Variants in ZMIZ1 observed in about 807,000 individuals in gnomAD.
ZMIZ1 encodes zinc finger MIZ-type containing 1.
ZMIZ1 carries 17 observed loss-of-function variants against 113.9 expected under a neutral mutation model. That is an observed-to-expected ratio of 0.15 (90% confidence interval 0.10 to 0.22). The LOEUF (loss-of-function observed/expected upper bound fraction) is 0.22, where lower values mean the gene tolerates loss of function less well. ZMIZ1 is among the 10% of genes least tolerant of loss of function. The pLI is 1.00. For synonymous variants in ZMIZ1, 607 were observed against 603.1 expected (o/e 1.01, Z -0.09); for missense variants, 1,059 against 1,477.8 (o/e 0.72, Z 4.65).
intron 7 of ZMIZ1, among the ~76,000 whole-genome samples, chr10:79,232,955 G>T (rs1237675031): frequency 1.3e-5 from 2 of 152,222 alleles, no homozygotes; most frequent in Non-Finnish European, 1.5e-5. Context: ...GCCCAGTACT[G>T]GTTCCATGAA....
intron 23 of ZMIZ1, among the ~76,000 whole-genome samples, chr10:79,310,556 A>G (rs920272764): frequency 1.1e-4 from 16 of 151,970 alleles, no homozygotes; most frequent in African/African-American, 1.7e-4. Flanking sequence ...TCCCCGGAAC[A>G]TGCCCATTCT....
At chr10:79,107,376 A>T (rs897110521) in intron 1 of ZMIZ1, among the ~76,000 whole-genome samples, 3 of 152,134 alleles carry the variant, frequency 2.0e-5, no homozygotes, top group Admixed American at 2.0e-4. Context: ...CAGTTTCTTC[A>T]TTGATAAAAG....
At chr10:79,302,278 G>A in intron 18 of ZMIZ1, 66 bp downstream of exon 18, 1 of 1,502,074 alleles carries the variant, frequency 6.7e-7, no homozygotes, top group South Asian at 1.1e-5. Flanking sequence ...GGACTGAGAA[G>A]CAGTCACCAT....
chr10:79,214,068 T>C lies in ZMIZ1; in HGVS notation c.175-2101T>C, dbSNP rs58138943. ...TCTACAAAGAGGGAGGGCACCAGAG[T>C]CCACGTATGAGCTGCAGTGGTCCCT... On this transcript the variant is annotated intron_variant, in intron 6 of 24. Coordinates refer to ENST00000334512, the MANE Select transcript of ZMIZ1 (RefSeq NM_020338.4). 6.3e-3 allele frequency among the ~76,000 whole-genome samples: 957 copies of C among 151,912 alleles called. 5 individuals carry two copies. Among genetic ancestry groups the C allele is most frequent in the African/African-American group, 0.022 (893 of 41,432 alleles).
chr10:79,144,339 C>T (rs1042809835), intron 3 of ZMIZ1, among the ~76,000 whole-genome samples: 18 of 152,318 alleles, frequency 1.2e-4, no homozygotes, highest in African/African-American at 4.1e-4. Context: ...CTCTTATAAT[C>T]CTCTACTATC....
intron 7 of ZMIZ1, among the ~76,000 whole-genome samples, chr10:79,255,178 T>C (rs1850807113): frequency 6.6e-6 from 1 of 152,142 alleles, no homozygotes; most frequent in Non-Finnish European, 1.5e-5. Flanking sequence ...GCCACTGAGC[T>C]CACGACACTG....
At chr10:79,140,079 GAGCCATCTTA>G (rs1292060152) in intron 3 of ZMIZ1, among the ~76,000 whole-genome samples, 1 of 152,204 alleles carries the variant, frequency 6.6e-6, no homozygotes, top group Non-Finnish European at 1.5e-5. Context: ...TGATTTGGTT[GAGCCATCTTA>G]GCAGCCTGGC....
At chr10:79,146,100 G>C (rs1435377576) in intron 3 of ZMIZ1, among the ~76,000 whole-genome samples, 1 of 152,148 alleles carries the variant, frequency 6.6e-6, no homozygotes, top group South Asian at 2.1e-4. Flanking sequence ...CTGGAGTCCT[G>C]GGGGTCAGGC....
intron 1 of ZMIZ1, among the ~76,000 whole-genome samples, chr10:79,083,921 G>A (rs931987217): frequency 1.3e-5 from 2 of 152,114 alleles, no homozygotes; most frequent in African/African-American, 4.8e-5. Context: ...CCTTTTAACA[G>A]TTGGAAAAAT....
At chr10:79,224,514 C>A (rs1805629260) in intron 7 of ZMIZ1, among the ~76,000 whole-genome samples, 1 of 152,080 alleles carries the variant, frequency 6.6e-6, no homozygotes, top group African/African-American at 2.4e-5. Flanking sequence ...CGGGGGTGTA[C>A]ACAAGGACAC....
At chr10:79,192,139 AG>A (rs1411435934) in intron 4 of ZMIZ1, among the ~76,000 whole-genome samples, 3 of 152,306 alleles carry the variant, frequency 2.0e-5, no homozygotes, top group Non-Finnish European at 4.4e-5. Context: ...AGAGGATGGC[AG>A]GGGGGTTTGG....
chr10:79,263,799 A>G lies in ZMIZ1; in HGVS notation c.281-13382A>G, dbSNP rs76363996. ...ACACATGGTCTCTTGCCGTCTGTGA[A>G]GTCCGGACAGCCATGATGTGTAGAC... On this transcript the variant is annotated intron_variant, in intron 7 of 24. Coordinates refer to ENST00000334512, the MANE Select transcript of ZMIZ1 (RefSeq NM_020338.4). Among the ~76,000 whole-genome samples, 357 of 152,162 alleles carry G rather than the reference A, an allele frequency of 2.3e-3. 1 individual carries two copies. The highest frequency in any genetic ancestry group is 8.2e-3 in the African/African-American group (342 of 41,552).
intron 7 of ZMIZ1, among the ~76,000 whole-genome samples, chr10:79,249,628 G>T (rs1850421727): frequency 6.6e-6 from 1 of 152,230 alleles, no homozygotes; most frequent in African/African-American, 2.4e-5. Flanking sequence ...AAAATTAAAT[G>T]AAGTTTTCAG....
rs746508340 is a variant in ZMIZ1 at position 79,297,742 on chromosome 10, T to G, written c.1491+52T>G. 5 of 1,532,310 alleles carry G rather than the reference T, an allele frequency of 3.3e-6. No individual in the cohort carries two copies. The South Asian group carries it at 4.5e-5, about 14-fold the overall frequency. The allele number at this position is 1,532,310 out of a possible 1,614,324, so 94.9% of individuals were successfully genotyped here. ...CTAAGCCACAGGGAGTTGTTGCCTC[T>G]AAAGGTTCTCACTGTTCCTGCTCCA... On this transcript the variant is annotated intron_variant, in intron 14 of 24. Coordinates refer to ENST00000334512, the MANE Select transcript of ZMIZ1 (RefSeq NM_020338.4).
At chr10:79,310,543 C>T (rs940628849) in intron 23 of ZMIZ1, among the ~76,000 whole-genome samples, 14 of 152,274 alleles carry the variant, frequency 9.2e-5, no homozygotes, top group African/African-American at 3.1e-4. Flanking sequence ...TCCTGCCTCC[C>T]GCTCCCCGGA....
chr10:79,095,213 A>G (rs1003212275), intron 1 of ZMIZ1, among the ~76,000 whole-genome samples: 1 of 152,214 alleles, frequency 6.6e-6, no homozygotes, highest in Non-Finnish European at 1.5e-5. Context: ...AAATATGCTC[A>G]TGTACACTTA....
At chr10:79,303,819 T>A (rs1252789013) in intron 18 of ZMIZ1, among the ~76,000 whole-genome samples, 196 bp from the exon 19 acceptor site, 1 of 152,200 alleles carries the variant, frequency 6.6e-6, no homozygotes, top group Non-Finnish European at 1.5e-5. Flanking sequence ...GTGTCCCACA[T>A]GGAGACAGCA....
intron 7 of ZMIZ1, among the ~76,000 whole-genome samples, chr10:79,272,510 C>G (rs1030122354): frequency 5.3e-5 from 8 of 152,246 alleles, no homozygotes; most frequent in African/African-American, 1.9e-4. Context: ...GTCCTCCCAG[C>G]CTGCGGAGCT....
chr10:79,291,066 T>G lies in ZMIZ1; in HGVS notation c.648T>G (p.Phe216Leu), dbSNP rs1009910581. 2 of 1,614,236 alleles carry G rather than the reference T, an allele frequency of 1.2e-6. No individual in the cohort carries two copies. The highest frequency in any genetic ancestry group is 1.1e-5 in the South Asian group (1 of 91,086). Reference sequence around the variant, plus strand: ...ACCCAGGCCTCAACTCCCCACAGTTTGCGGGGCAGCAGCAGCAGTTCTCAG... The same window carrying G: ...ACCCAGGCCTCAACTCCCCACAGTTGGCGGGGCAGCAGCAGCAGTTCTCAG... Reference protein sequence around the residue: ...TSNPGLNSPQFAGQQQQFSAK... With the variant: ...TSNPGLNSPQLAGQQQQFSAK... Residue 216 changes from phenylalanine to leucine, a missense_variant, in exon 10 of 25, where the codon TTT (phenylalanine) becomes TTG (leucine). Physicochemically the swap from Phe to Leu is conservative, Grantham distance 22. Around this residue, in one of 6 missense-constraint regions of ZMIZ1, gnomAD observed 272 missense variants for 350.4 expected, o/e 0.78. Transcript: ENST00000334512.
Sources: allele counts gnomAD v4.1 joint callset (sites outside exome capture counted in the v4.1 genomes callset), GRCh38; gene constraint gnomAD v4.1.1; regional missense constraint gnomAD v4.1.1; transcripts MANE v1.5; gene names NCBI Gene and HGNC (gene_info 2026-07-23, HGNC 2026-07-21).